GPC6: variants seen among roughly 807,000 people sequenced by gnomAD.
GPC6 encodes glypican 6.
A neutral mutation model predicts 55.2 loss-of-function variants in GPC6; 14 were observed. The observed-to-expected ratio is 0.25, with a 90% CI of 0.17 to 0.40. GPC6 has a LOEUF of 0.40. Among genes scored for constraint, GPC6 ranks in the 10% least tolerant of loss-of-function variants. The pLI is 1.00. For missense variants in GPC6, 641 were observed against 708.5 expected (o/e 0.90, Z 1.08); for synonymous variants, 278 against 259.6 (o/e 1.07, Z -0.68).
chr13:94,083,628 T>A (rs1163665826), intron 4 of GPC6, among the ~76,000 whole-genome samples: 2 of 152,174 alleles, frequency 1.3e-5, no homozygotes, highest in South Asian at 4.1e-4. Flanking sequence ...CTATTCAAGA[T>A]CCAGTTTTCT....
At chr13:93,876,926 A>C (rs1874626778) in intron 3 of GPC6, among the ~76,000 whole-genome samples, 1 of 152,048 alleles carries the variant, frequency 6.6e-6, no homozygotes, top group South Asian at 2.1e-4. Context: ...CACTCACCAT[A>C]CGTTCCTCTT....
At chr13:94,077,120 G>T (rs531812010) in intron 4 of GPC6, among the ~76,000 whole-genome samples, 1 of 151,548 alleles carries the variant, frequency 6.6e-6, no homozygotes, top group Non-Finnish European at 1.5e-5. Flanking sequence ...CAATGAACAC[G>T]GGATATTTTT....
chr13:93,822,079 CATA>C (rs1173267656), intron 2 of GPC6, among the ~76,000 whole-genome samples: 2 of 151,280 alleles, frequency 1.3e-5, no homozygotes, highest in Non-Finnish European at 2.9e-5. Context: ...GCATAAAATA[CATA>C]ATATGATATA....
intron 1 of GPC6, among the ~76,000 whole-genome samples, chr13:93,280,046 C>T (rs1028664336): frequency 6.6e-6 from 1 of 152,088 alleles, no homozygotes; most frequent in African/African-American, 2.4e-5. Context: ...GAGGGTAATG[C>T]CAAGTCAGTG....
intron 3 of GPC6, among the ~76,000 whole-genome samples, chr13:94,013,593 G>GC (rs1882338776): frequency 6.6e-6 from 1 of 152,074 alleles, no homozygotes; most frequent in South Asian, 2.1e-4. Flanking sequence ...CAGGTGATCT[G>GC]CCCGGCTTGG....
chr13:93,638,948 C>T (rs1380826116), intron 2 of GPC6, among the ~76,000 whole-genome samples: 1 of 151,956 alleles, frequency 6.6e-6, no homozygotes, highest in Non-Finnish European at 1.5e-5. Context: ...CTTCACTTAG[C>T]CAATGTTTAT....
intron 6 of GPC6, among the ~76,000 whole-genome samples, chr13:94,380,193 CTTAGT>C (rs1331358234): frequency 6.6e-6 from 1 of 152,132 alleles, no homozygotes; most frequent in Non-Finnish European, 1.5e-5. Context: ...AATGCTCATT[CTTAGT>C]TTATTTTATT....
intron 3 of GPC6, among the ~76,000 whole-genome samples, chr13:94,005,947 C>A (rs1242856289): frequency 6.6e-6 from 1 of 152,042 alleles, no homozygotes; most frequent in Non-Finnish European, 1.5e-5. Flanking sequence ...ACTTATTGTA[C>A]TGAGTACTTT....
intron 3 of GPC6, among the ~76,000 whole-genome samples, chr13:93,971,275 T>C (rs939029324): frequency 5.3e-5 from 8 of 152,204 alleles, no homozygotes; most frequent in African/African-American, 1.9e-4. Flanking sequence ...AATTTATTGG[T>C]AAAATAACTA....
At chr13:94,165,479 T>C (rs2138920630) in intron 4 of GPC6, among the ~76,000 whole-genome samples, 1 of 151,942 alleles carries the variant, frequency 6.6e-6, no homozygotes, top group African/African-American at 2.4e-5. Context: ...ACGATGGACT[T>C]TGGGGACTCA....
At chr13:93,771,036 T>C (rs900893505) in intron 2 of GPC6, among the ~76,000 whole-genome samples, 3 of 152,168 alleles carry the variant, frequency 2.0e-5, no homozygotes, top group African/African-American at 7.2e-5. Context: ...ATCTGCATTG[T>C]CTCACAGATC....
intron 1 of GPC6, among the ~76,000 whole-genome samples, chr13:93,317,693 A>C (rs1012488693): frequency 1.3e-5 from 2 of 152,138 alleles, no homozygotes; most frequent in Non-Finnish European, 2.9e-5. Flanking sequence ...CAGAAAACTG[A>C]GTGGACCATG....
At chr13:94,305,293 C>T (rs1428948621) in intron 5 of GPC6, among the ~76,000 whole-genome samples, 2 of 152,138 alleles carry the variant, frequency 1.3e-5, no homozygotes. Context: ...AATATGTAGC[C>T]TTGTGTTATG....
rs375762690 is a variant in GPC6 at position 94,398,652 on chromosome 13, C to T, written c.1465+11C>T. The T allele has an allele frequency of 6.2e-7, 1 of 1,612,884 alleles. No individual in the cohort carries two copies. The highest frequency in any genetic ancestry group is 8.5e-7 in the Non-Finnish European group (1 of 1,178,988). Reference sequence around the variant, plus strand: ...ATTTCCAGGACACAAGTAAGAAAATCCTTCCCAGCACCAGAAATTTTCAAA... The same window carrying T: ...ATTTCCAGGACACAAGTAAGAAAATTCTTCCCAGCACCAGAAATTTTCAAA... On this transcript the variant is annotated intron_variant, in intron 8 of 8. Coordinates refer to ENST00000377047, the MANE Select transcript of GPC6 (RefSeq NM_005708.5).
chr13:94,063,676 C>T (rs1884416311), intron 4 of GPC6, among the ~76,000 whole-genome samples: 1 of 152,140 alleles, frequency 6.6e-6, no homozygotes, highest in Non-Finnish European at 1.5e-5. Flanking sequence ...CCTAGCTCAT[C>T]TTTCATGCTA....
chr13:93,254,714 A>G (rs1374019632), intron 1 of GPC6, among the ~76,000 whole-genome samples: 2 of 152,188 alleles, frequency 1.3e-5, no homozygotes, highest in African/African-American at 2.4e-5. Flanking sequence ...ATATAAAAAA[A>G]AAATAGAGAG....
chr13:93,470,414 C>T (rs909378483), intron 1 of GPC6, among the ~76,000 whole-genome samples: 3 of 152,000 alleles, frequency 2.0e-5, no homozygotes, highest in African/African-American at 7.2e-5. Context: ...AATATAATGG[C>T]TTTTATAGGT....
chr13:93,660,078 T>C (rs1262665653), intron 2 of GPC6, among the ~76,000 whole-genome samples: 1 of 152,042 alleles, frequency 6.6e-6, no homozygotes, highest in East Asian at 1.9e-4. Flanking sequence ...AGAACAGAAA[T>C]TTGAAAAAAA....
At chr13:94,358,228 G>A (rs986598211) in intron 6 of GPC6, among the ~76,000 whole-genome samples, 1 of 151,040 alleles carries the variant, frequency 6.6e-6, no homozygotes, top group South Asian at 2.1e-4. Flanking sequence ...AGCAGAGGTT[G>A]CAGTGAGCTG....
Sources: gnomAD v4.1 joint callset for allele counts (sites outside exome capture counted in the v4.1 genomes callset) on GRCh38, gnomAD v4.1.1 for gene constraint, MANE v1.5 for transcripts, NCBI Gene and HGNC (gene_info 2026-07-23, HGNC 2026-07-21) for gene names.